The following FOXN3 variants were observed in gnomAD, a reference collection of about 807,000 sequenced individuals.
FOXN3 encodes the protein forkhead box protein N3.
In FOXN3, 7 loss-of-function variants were observed where a neutral mutation model predicts 38.4. That is an observed-to-expected ratio of 0.18 (90% confidence interval 0.10 to 0.34). The LOEUF is 0.34. FOXN3 is among the 10% of genes least tolerant of loss of function. FOXN3 has a pLI of 1.00. For synonymous variants in FOXN3, 230 were observed against 242.2 expected (o/e 0.95, Z 0.47); for missense variants, 456 against 613.4 (o/e 0.74, Z 2.71).
chr14:89,505,305 C>CG (rs1363893237), intron 1 of FOXN3, among the ~76,000 whole-genome samples: 1 of 148,424 alleles, frequency 6.7e-6, no homozygotes, highest in Admixed American at 6.7e-5. Flanking sequence ...CCTCTCCCCA[C>CG]GGTCTCCCTC....
chr14:89,462,125 G>T (rs893942016), intron 1 of FOXN3, among the ~76,000 whole-genome samples: 2 of 152,256 alleles, frequency 1.3e-5, no homozygotes, highest in African/African-American at 4.8e-5. Context: ...GTTTAAGGTG[G>T]AAGCAGGAAT....
chr14:89,360,218 C>T (rs1889409140), intron 2 of FOXN3, among the ~76,000 whole-genome samples: 1 of 152,000 alleles, frequency 6.6e-6, no homozygotes, highest in South Asian at 2.1e-4. Context: ...CTGGCTCTGG[C>T]TCAACTCCTC....
At chr14:89,238,131 C>T (rs962801297) in intron 4 of FOXN3, among the ~76,000 whole-genome samples, 2 of 152,210 alleles carry the variant, frequency 1.3e-5, no homozygotes, top group East Asian at 3.8e-4. Flanking sequence ...TTTCCAAATT[C>T]CCATCCTTGT....
At chr14:89,579,211 C>T (rs1254087055) in intron 1 of FOXN3, among the ~76,000 whole-genome samples, 1 of 144,626 alleles carries the variant, frequency 6.9e-6, no homozygotes, top group Non-Finnish European at 1.5e-5. Context: ...AGTACACTGG[C>T]ATGATCATGG....
At chr14:89,615,462 GAAAT>G (rs1896478469) in intron 1 of FOXN3, among the ~76,000 whole-genome samples, 1 of 152,096 alleles carries the variant, frequency 6.6e-6, no homozygotes, top group Admixed American at 6.5e-5. Flanking sequence ...AAATCAGAAA[GAAAT>G]AAACCTAAAT....
intron 1 of FOXN3, among the ~76,000 whole-genome samples, chr14:89,566,806 C>T (rs1341192958): frequency 6.6e-6 from 1 of 151,590 alleles, no homozygotes; most frequent in Non-Finnish European, 1.5e-5. Context: ...CCTTCTTCTC[C>T]ACCTCCTCAT....
At chr14:89,499,401 G>C (rs1893750448) in intron 1 of FOXN3, among the ~76,000 whole-genome samples, 1 of 152,016 alleles carries the variant, frequency 6.6e-6, no homozygotes, top group African/African-American at 2.4e-5. Flanking sequence ...GTTGCCTAAT[G>C]AGCAATTTGC....
intron 3 of FOXN3, among the ~76,000 whole-genome samples, chr14:89,311,471 C>CA (rs34367113): frequency 0.085 from 5,620 of 66,064 alleles, 250 homozygotes; most frequent in Non-Finnish European, 0.11. Context: ...GACTCGGCCT[C>CA]AAAAAAAAAA....
intron 1 of FOXN3, among the ~76,000 whole-genome samples, chr14:89,538,971 G>A (rs1894743427): frequency 1.3e-5 from 2 of 151,978 alleles, no homozygotes; most frequent in African/African-American, 4.8e-5. Context: ...AGCCTCCTAA[G>A]TAGCTGGGAT....
chr14:89,425,062 C>CTTTTTTTTTTTTT (rs3994032), intron 1 of FOXN3, among the ~76,000 whole-genome samples: 1 of 104,198 alleles, frequency 9.6e-6, no homozygotes, highest in Admixed American at 1.3e-4. Context: ...GTTTTCTTTT[C>CTTTTTTTTTTTTT]TTTTTTTTTT....
chr14:89,396,562 C>T lies in FOXN3; in HGVS notation c.543+15372G>A, dbSNP rs1040521676. Among the ~76,000 whole-genome samples the T allele has an allele frequency of 9.2e-5, 14 of 152,312 alleles. No homozygotes were observed. The South Asian group carries it at 2.7e-3, about 29-fold the overall frequency. On this transcript the variant is annotated intron_variant, in intron 2 of 5. Coordinates refer to ENST00000557258, the MANE Select transcript of FOXN3 (RefSeq NM_005197.4). ...TCAAGAAGCCACTGCTGGCTGGGCA[C>T]GGTGGCTCATGCCTGTAATCCCAGC...
intron 1 of FOXN3, among the ~76,000 whole-genome samples, chr14:89,442,871 CTT>C (rs1892416311): frequency 6.6e-6 from 1 of 152,224 alleles, no homozygotes; most frequent in Non-Finnish European, 1.5e-5. Flanking sequence ...GGTGAATGGT[CTT>C]AGGTGCTTTC....
intron 4 of FOXN3, among the ~76,000 whole-genome samples, chr14:89,224,243 G>A (rs569022485): frequency 3.9e-5 from 6 of 152,204 alleles, no homozygotes; most frequent in African/African-American, 1.4e-4. Flanking sequence ...TAATAAGTTC[G>A]ATTTCCTTTA....
chr14:89,489,019 T>A (rs1447871110), intron 1 of FOXN3, among the ~76,000 whole-genome samples: 1 of 152,244 alleles, frequency 6.6e-6, no homozygotes, highest in Non-Finnish European at 1.5e-5. Flanking sequence ...ATAGAAGGTT[T>A]TATTTCCCGA....
intron 4 of FOXN3, among the ~76,000 whole-genome samples, chr14:89,279,954 C>T (rs540090515): frequency 7.9e-5 from 12 of 152,274 alleles, no homozygotes; most frequent in East Asian, 3.9e-4. Context: ...CACACAGGGC[C>T]GGCCCTCAGC....
chr14:89,487,942 AAAGCG>A lies in FOXN3; in HGVS notation c.-14-75457_-14-75453del, dbSNP rs1481512859. On this transcript the variant is annotated intron_variant, in intron 1 of 6. Coordinates refer to the FOXN3 transcript ENST00000345097. ...CAACAACAAAAACCAGACAGCAACC[AAAGCG>A]AAGGCCCGGAGGTTGGAAAGCGTGA... Among the ~76,000 whole-genome samples, 20 of 152,298 alleles carry A rather than the reference AAAGCG, an allele frequency of 1.3e-4. No homozygotes were observed. The East Asian group carries it at 3.9e-3, about 29-fold the overall frequency.
intron 2 of FOXN3, among the ~76,000 whole-genome samples, chr14:89,355,625 T>C (rs1889186746): frequency 6.6e-6 from 1 of 152,236 alleles, no homozygotes; most frequent in Non-Finnish European, 1.5e-5. Context: ...AGCACTGTTT[T>C]AATGGAACAG....
chr14:89,407,936 T>C (rs1891437333), intron 2 of FOXN3, among the ~76,000 whole-genome samples: 6 of 152,208 alleles, frequency 3.9e-5, no homozygotes, highest in African/African-American at 2.4e-5. Flanking sequence ...ATGTGTGTTA[T>C]GGGGGTATAT....
At chr14:89,433,813 A>G (rs1273057848) in intron 1 of FOXN3, among the ~76,000 whole-genome samples, 2 of 126,904 alleles carry the variant, frequency 1.6e-5, no homozygotes, top group East Asian at 4.1e-4. Context: ...CTCTGTCTCC[A>G]AAAAAAAAAA....
Sources: gnomAD v4.1 joint callset for allele counts (sites outside exome capture counted in the v4.1 genomes callset) on GRCh38, gnomAD v4.1.1 for gene constraint, MANE v1.5 for transcripts, NCBI Gene and HGNC (gene_info 2026-07-23, HGNC 2026-07-21) for gene names.